DPP6: variants seen among roughly 807,000 people sequenced by gnomAD.
DPP6 encodes dipeptidyl peptidase like 6, also known as A-type potassium channel modulatory protein DPP6.
A neutral mutation model predicts 122.6 loss-of-function variants in DPP6; 69 were observed. The observed-to-expected ratio is 0.56, with a 90% CI of 0.46 to 0.69. The LOEUF is 0.69. Ranked by LOEUF, DPP6 falls within the 30% of genes least tolerant of loss-of-function variation. DPP6 has a pLI of 0.00. For missense variants in DPP6, 928 were observed against 1,116.9 expected, an observed-to-expected ratio of 0.83 and a Z score of 2.41; for synonymous variants, 418 against 433.1, an observed-to-expected ratio of 0.97 and a Z score of 0.43.
intron 1 of DPP6, among the ~76,000 whole-genome samples, chr7:154,068,298 G>A (rs947709144): frequency 6.8e-6 from 1 of 148,052 alleles, no homozygotes. Flanking sequence ...AGAATTGAGA[G>A]ATTACCCAGA....
chr7:154,715,369 A>T (rs1404427301), intron 7 of DPP6, among the ~76,000 whole-genome samples: 1 of 152,192 alleles, frequency 6.6e-6, no homozygotes, highest in East Asian at 1.9e-4. Context: ...GCACCCAGCC[A>T]GGATAACATT....
rs1802278984 is a variant in DPP6 at position 154,063,162 on chromosome 7, T to TC, written c.243+10099_243+10100insC. Among the ~76,000 whole-genome samples, 2 of 113,258 alleles carry TC rather than the reference T, an allele frequency of 1.8e-5. 1 individual carries two copies. The highest frequency in any genetic ancestry group is 1.9e-4 in the Admixed American group (2 of 10,650). 74.3% of individuals were successfully genotyped at this position (113,258 alleles called of 152,430 possible). On this transcript the variant is annotated intron_variant, in intron 1 of 25. Transcript: ENST00000377770. ...AGAGTGGGGACTGAGAGCTATCCCCTTTTCCGCCCCTGGCTGTTAGTACCC... is the reference window on the plus strand; with the variant it reads ...AGAGTGGGGACTGAGAGCTATCCCCTCTTTCCGCCCCTGGCTGTTAGTACCC...
At chr7:154,673,199 G>T (rs1838677332) in intron 7 of DPP6, among the ~76,000 whole-genome samples, 1 of 152,214 alleles carries the variant, frequency 6.6e-6, no homozygotes, top group Non-Finnish European at 1.5e-5. Context: ...GCTCCCTAAA[G>T]TCAACCTACT....
chr7:154,583,671 G>A (rs1191734102), intron 5 of DPP6, among the ~76,000 whole-genome samples: 4 of 152,156 alleles, frequency 2.6e-5, no homozygotes, highest in East Asian at 1.9e-4. Flanking sequence ...CAGAAGCCTC[G>A]CGTGGAGGAG....
At chr7:154,336,894 G>A (rs1030974017) in intron 1 of DPP6, among the ~76,000 whole-genome samples, 3 of 152,202 alleles carry the variant, frequency 2.0e-5, no homozygotes, top group Non-Finnish European at 4.4e-5. Flanking sequence ...GAGGGGCAAC[G>A]AAGAAGGGGT....
At chr7:154,398,112 G>T (rs17174401) in intron 1 of DPP6, among the ~76,000 whole-genome samples, 13,491 of 152,218 alleles carry the variant, frequency 0.089, 681 homozygotes, top group East Asian at 0.12. Flanking sequence ...ATGCGTCAGG[G>T]TGTGAGGTTG....
chr7:153,781,056 G>A, the DPP6 span, among the ~76,000 whole-genome samples: 1,914 of 152,308 alleles, frequency 0.013, 41 homozygotes, highest in African/African-American at 0.043. Context: ...TGTCAGGGAG[G>A]CATTGATGAG....
chr7:154,874,299 A>G (rs185529270), intron 19 of DPP6, among the ~76,000 whole-genome samples: 250 of 152,340 alleles, frequency 1.6e-3, no homozygotes, highest in African/African-American at 5.3e-3. Context: ...TTCAGTTTAC[A>G]AAACAATTCT....
At chr7:154,208,194 C>T (rs1799553511) in intron 1 of DPP6, among the ~76,000 whole-genome samples, 1 of 152,174 alleles carries the variant, frequency 6.6e-6, no homozygotes, top group Non-Finnish European at 1.5e-5. Context: ...GGCCCTGGAA[C>T]TCTGGACCCC....
At chr7:154,656,615 G>C (rs1321459710) in intron 6 of DPP6, among the ~76,000 whole-genome samples, 1 of 152,188 alleles carries the variant, frequency 6.6e-6, no homozygotes, top group Non-Finnish European at 1.5e-5. Context: ...AGGAGAGAAG[G>C]TCAGAAAGTG....
intron 17 of DPP6, among the ~76,000 whole-genome samples, chr7:154,864,778 A>C (rs552456382): frequency 6.6e-6 from 1 of 152,310 alleles, no homozygotes; most frequent in African/African-American, 2.4e-5. Context: ...AATAGAGAGG[A>C]ACGAGGTATT....
intron 1 of DPP6, among the ~76,000 whole-genome samples, chr7:154,037,140 C>CA (rs1799576027): frequency 1.3e-5 from 2 of 152,274 alleles, no homozygotes; most frequent in Admixed American, 6.5e-5. Context: ...ATTATAAAAT[C>CA]AGTAAGTACA....
chr7:153,833,834 C>T, the DPP6 span, among the ~76,000 whole-genome samples: 1 of 152,198 alleles, frequency 6.6e-6, no homozygotes, highest in African/African-American at 2.4e-5. Flanking sequence ...TCACGCATTT[C>T]CTACCAGTGG....
chr7:154,879,012 C>A (rs547689428), intron 20 of DPP6, among the ~76,000 whole-genome samples: 1 of 152,340 alleles, frequency 6.6e-6, no homozygotes, highest in Non-Finnish European at 1.5e-5. Flanking sequence ...TCTGCCTCTG[C>A]CCCTGTTTGC....
intron 21 of DPP6, chr7:154,884,040 CTGCTCACACATACCCATACA>C (rs941181005): frequency 1.9e-5 from 2 of 107,840 alleles, no homozygotes; most frequent in Non-Finnish European, 3.9e-5. Flanking sequence ...TCACACACAC[CTGCTCACACATACCCATACA>C]TGCTCACCCA....
At chr7:154,695,365 A>C (rs543569005) in intron 7 of DPP6, among the ~76,000 whole-genome samples, 44 of 152,324 alleles carry the variant, frequency 2.9e-4, no homozygotes, top group Non-Finnish European at 5.4e-4. Flanking sequence ...TAGTGTGTGT[A>C]TGAGATTTTT....
At chr7:154,575,384 ATGTGTGTGTAGTGTGTGT>A in intron 5 of DPP6, among the ~76,000 whole-genome samples, 1 of 21,988 alleles carries the variant, frequency 4.5e-5, no homozygotes, top group Non-Finnish European at 9.4e-5. Flanking sequence ...TATGTGTGTG[ATGTGTGTGTAGTGTGTGT>A]GTGGTGTTTG....
chr7:154,173,325 G>T (rs954241106), intron 1 of DPP6, among the ~76,000 whole-genome samples: 1 of 152,160 alleles, frequency 6.6e-6, no homozygotes, highest in South Asian at 2.1e-4. Flanking sequence ...CTATGGACAG[G>T]GTTTTTATTC....
At chr7:154,199,708 C>T (rs1215497014) in intron 1 of DPP6, among the ~76,000 whole-genome samples, 3 of 151,812 alleles carry the variant, frequency 2.0e-5, no homozygotes, top group South Asian at 2.1e-4. Context: ...CTCCTGGGTT[C>T]AAGTGATTCT....
Sources: gnomAD v4.1 joint callset for allele counts (sites outside exome capture counted in the v4.1 genomes callset) on GRCh38, gnomAD v4.1.1 for gene constraint, MANE v1.5 for transcripts, NCBI Gene and HGNC (gene_info 2026-07-23, HGNC 2026-07-21) for gene names.